FGF13: variants seen among roughly 807,000 people sequenced by gnomAD.
FGF13 encodes fibroblast growth factor homologous factor 2.
Under a neutral mutation model 19.5 loss-of-function variants are expected in FGF13, and 2 were observed. The ratio of observed to expected loss-of-function variants is 0.10; its 90% CI spans 0.04 to 0.32. The LOEUF (loss-of-function observed/expected upper bound fraction) is 0.32, where lower values mean the gene tolerates loss of function less well. Ranked by LOEUF, FGF13 falls within the 10% of genes least tolerant of loss-of-function variation. The pLI is 1.00. For missense variants in FGF13, 113 were observed against 192.7 expected (o/e 0.59, Z 2.45); for synonymous variants, 72 against 76.9 (o/e 0.94, Z 0.33).
intron 1 of FGF13, among the ~76,000 whole-genome samples, chrX:139,035,808 G>C (rs1265435978): frequency 2.7e-5 from 3 of 111,341 alleles, no homozygotes; most frequent in Non-Finnish European, 5.7e-5. Context: ...CATTCAGAAA[G>C]ACCATTTCTA....
chrX:139,007,120 A>G (rs1308328574), intron 1 of FGF13, among the ~76,000 whole-genome samples: 2 of 111,969 alleles, frequency 1.8e-5, no homozygotes, highest in Non-Finnish European at 3.8e-5. Flanking sequence ...ACCTATAGAA[A>G]TACACATAGA....
chrX:138,762,630 T>C (rs2090475860), intron 3 of FGF13, among the ~76,000 whole-genome samples: 1 of 111,717 alleles, frequency 9.0e-6, no homozygotes, highest in Admixed American at 9.6e-5. Flanking sequence ...TGTCTGGGTA[T>C]GAACCCTGGC....
intron 1 of FGF13, among the ~76,000 whole-genome samples, chrX:139,150,264 C>T (rs1045590654): frequency 9.0e-5 from 10 of 111,582 alleles, no homozygotes; most frequent in Non-Finnish European, 1.3e-4. Flanking sequence ...AAGTGATCCC[C>T]GTACCTCAAG....
At position 139,015,147 on chromosome X, in the gene FGF13, C is replaced by T. The variant is rs146308549; in HGVS notation, c.-112-150497G>A. 9.5e-3 allele frequency among the ~76,000 whole-genome samples: 1,051 copies of T among 110,488 alleles called. 11 individuals are homozygous for T. The highest frequency in any genetic ancestry group is 0.032 in the African/African-American group (977 of 30,457). On this transcript the variant is annotated intron_variant, in intron 1 of 2. Coordinates refer to the FGF13 transcript ENST00000421460. ...GAAAAAACTGATAGCTTTTCTTTCA[C>T]GATCAGGTACATGATAAGGGTGTCC...
intron 3 of FGF13, among the ~76,000 whole-genome samples, chrX:138,823,956 C>T (rs144925340): frequency 0.019 from 2,090 of 111,879 alleles, 23 homozygotes; most frequent in Non-Finnish European, 0.028. Context: ...CCAATTAGCA[C>T]CAATAGTCAT....
At chrX:139,153,158 G>T (rs1350029237) in intron 1 of FGF13, among the ~76,000 whole-genome samples, 1 of 111,027 alleles carries the variant, frequency 9.0e-6, no homozygotes, top group African/African-American at 3.3e-5. Context: ...GTGGAAGAGA[G>T]ATTTGGACCT....
intron 3 of FGF13, among the ~76,000 whole-genome samples, chrX:138,842,301 T>C (rs1006487274): frequency 2.7e-5 from 3 of 111,753 alleles, no homozygotes; most frequent in Non-Finnish European, 5.6e-5. Flanking sequence ...AACCAAGTTG[T>C]AACTCATTCA....
At chrX:139,086,456 A>T (rs1266608724) in intron 1 of FGF13, among the ~76,000 whole-genome samples, 1 of 112,618 alleles carries the variant, frequency 8.9e-6, no homozygotes, top group East Asian at 2.8e-4. Context: ...AGATGGTTGC[A>T]CAACATTGTT....
At chrX:139,204,299 G>A, upstream of FGF13, 1 of 387,558 alleles carries the variant, frequency 2.6e-6, no homozygotes, top group Non-Finnish European at 4.3e-6. Context: ...GGAAAGGAAA[G>A]GGGTGAAGGA....
At chrX:138,710,251 C>G (rs2090030172) in intron 1 of FGF13, among the ~76,000 whole-genome samples, 1 of 83,245 alleles carries the variant, frequency 1.2e-5, no homozygotes. Context: ...TAGAAATCCC[C>G]CCTCCCCCCG....
intron 3 of FGF13, 116 bp downstream of exon 3, chrX:138,702,868 T>A: frequency 2.1e-6 from 1 of 482,166 alleles, no homozygotes. Context: ...AATATTTCCA[T>A]CAACATTCTT....
At chrX:138,695,128 C>T (rs1165055906) in intron 3 of FGF13, among the ~76,000 whole-genome samples, 1 of 110,501 alleles carries the variant, frequency 9.0e-6, no homozygotes, top group African/African-American at 3.3e-5. Flanking sequence ...ATGGATACTG[C>T]ATACCTCCAG....
intron 1 of FGF13, among the ~76,000 whole-genome samples, chrX:139,116,528 T>C (rs1603207505): frequency 9.0e-6 from 1 of 111,679 alleles, no homozygotes; most frequent in East Asian, 2.8e-4. Flanking sequence ...TTTTGAATCT[T>C]GAGAAAATAT....
intron 1 of FGF13, among the ~76,000 whole-genome samples, chrX:139,077,589 A>G (rs1023672093): frequency 2.7e-5 from 3 of 111,448 alleles, no homozygotes; most frequent in African/African-American, 9.8e-5. Context: ...AGGTGGCACC[A>G]TAGCATAAAA....
chrX:138,767,846 T>C (rs2090513407), intron 3 of FGF13, among the ~76,000 whole-genome samples: 1 of 112,256 alleles, frequency 8.9e-6, no homozygotes, highest in African/African-American at 3.2e-5. Context: ...ATGGGGGAAT[T>C]TGGAGAATTA....
chrX:138,798,441 A>C (rs1180215745), intron 3 of FGF13, among the ~76,000 whole-genome samples: 1 of 111,387 alleles, frequency 9.0e-6, no homozygotes, highest in Non-Finnish European at 1.9e-5. Flanking sequence ...AAGCTTTTTG[A>C]TGTGTTGCTG....
At chrX:138,946,417 C>A (rs923498292) in intron 1 of FGF13, among the ~76,000 whole-genome samples, 1 of 111,891 alleles carries the variant, frequency 8.9e-6, no homozygotes, top group Non-Finnish European at 1.9e-5. Flanking sequence ...TCCAGGAGGA[C>A]AAAATGTGCA....
chrX:139,085,657 A>C (rs902940569), intron 1 of FGF13, among the ~76,000 whole-genome samples: 12 of 112,036 alleles, frequency 1.1e-4, no homozygotes, highest in Non-Finnish European at 2.3e-4. Context: ...ATAATCATAG[A>C]TATAGGCACA....
At chrX:138,868,653 T>C (rs2091342121) in intron 1 of FGF13, among the ~76,000 whole-genome samples, 1 of 111,079 alleles carries the variant, frequency 9.0e-6, no homozygotes, top group South Asian at 3.9e-4. Flanking sequence ...TCCTCACCAA[T>C]ATACTATAGA....
Sources: gnomAD v4.1 joint callset for allele counts (sites outside exome capture counted in the v4.1 genomes callset) on GRCh38, gnomAD v4.1.1 for gene constraint, MANE v1.5 for transcripts, NCBI Gene and HGNC (gene_info 2026-07-23, HGNC 2026-07-21) for gene names.